The following LRRC53 variants were observed in gnomAD, a reference collection of about 807,000 sequenced individuals.
The protein encoded by LRRC53 is leucine-rich repeat-containing protein 53.
A neutral mutation model predicts 13.6 loss-of-function variants in LRRC53; 25 were observed. The ratio of observed to expected loss-of-function variants is 1.83; its 90% CI spans 1.34 to 2.56. LRRC53 has a LOEUF of 2.56. Ranked by LOEUF, LRRC53 falls within the 30% of genes most tolerant of loss-of-function variation. The probability of loss-of-function intolerance (pLI) is 0.00; values close to 1 mark genes in which losing one functional copy is unlikely to be tolerated. For missense variants in LRRC53, 527 were observed against 275.8 expected (o/e 1.91, Z -6.45); for synonymous variants, 204 against 109.8 (o/e 1.86, Z -5.37).
intron 1 of LRRC53, among the ~76,000 whole-genome samples, chr1:74,487,964 G>T (rs945787519): frequency 6.6e-6 from 1 of 152,046 alleles, no homozygotes; most frequent in Non-Finnish European, 1.5e-5. Context: ...CAGGGTCTAG[G>T]GTATAACTAA....
intron 1 of LRRC53, among the ~76,000 whole-genome samples, chr1:74,503,225 C>T (rs1347253989): frequency 6.6e-6 from 1 of 152,104 alleles, no homozygotes; most frequent in Non-Finnish European, 1.5e-5. Context: ...AGAAAAAGAC[C>T]ACTCTTTCTC....
At chr1:74,512,858 A>G (rs1355977588), upstream of LRRC53, among the ~76,000 whole-genome samples, 1 of 152,176 alleles carries the variant, frequency 6.6e-6, no homozygotes, top group Non-Finnish European at 1.5e-5. Context: ...CTCACTCTAC[A>G]AGGAAAACTT....
At chr1:74,483,483 A>G in intron 1 of LRRC53, 108 bp from the exon 2 acceptor site, 1 of 567,814 alleles carries the variant, frequency 1.8e-6, no homozygotes, top group Non-Finnish European at 3.2e-6. Flanking sequence ...CTGTTCAATG[A>G]GCATCTTGGT....
In LRRC53 at chr1:74,480,849, C is replaced by T. The variant is rs890624231; in HGVS notation, c.208G>A (p.Glu70Lys). Residue 70 changes from glutamate to lysine, a missense_variant, in exon 3 of 5, where the codon GAG becomes AAG. Glu to Lys is a moderately conservative substitution (Grantham distance 56). Coordinates refer to ENST00000294635, the MANE Select transcript of LRRC53 (RefSeq NM_001382280.1). The stretch of plus-strand genomic sequence containing the variant: ...TGCAGGGCATCTTCCTGAACATCCT[C>T]GATACCATTTCTGCTTAGGGAGAGC... ...ALLSLSRNGI[E>K]DVQEDALHGL... The T allele has an allele frequency of 2.5e-5, 18 of 717,452 alleles. No individual in the cohort carries two copies. The highest frequency in any genetic ancestry group is 2.3e-4 in the African/African-American group (13 of 57,356). 44.4% of individuals were successfully genotyped at this position (717,452 alleles called of 1,614,324 possible). A position where few individuals can be genotyped will look rare whatever the true frequency, so the allele number is the denominator to read the frequency against.
intron 1 of LRRC53, among the ~76,000 whole-genome samples, chr1:74,506,359 G>T (rs566032073): frequency 5.9e-5 from 9 of 152,110 alleles, no homozygotes; most frequent in Non-Finnish European, 8.8e-5. Context: ...AGTATAAATG[G>T]CCTGCCCAAG....
the LRRC53 span, among the ~76,000 whole-genome samples, chr1:74,518,561 G>T: frequency 1.3e-5 from 2 of 152,088 alleles, no homozygotes; most frequent in Non-Finnish European, 2.9e-5. Context: ...GATCTCAGTG[G>T]ATTCTACTAA....
chr1:74,496,528 G>A (rs1167335298), intron 1 of LRRC53, among the ~76,000 whole-genome samples: 1 of 152,074 alleles, frequency 6.6e-6, no homozygotes, highest in Non-Finnish European at 1.5e-5. Flanking sequence ...TCAATTTTTG[G>A]TCATGAAGTT....
the LRRC53 span, among the ~76,000 whole-genome samples, chr1:74,522,651 T>TGA: frequency 6.6e-6 from 1 of 151,662 alleles, no homozygotes. Flanking sequence ...TGTGTGTGTG[T>TGA]GAGAGAGAGA....
chr1:74,527,562 G>C, the LRRC53 span, among the ~76,000 whole-genome samples: 2 of 152,160 alleles, frequency 1.3e-5, no homozygotes, highest in South Asian at 2.1e-4. Context: ...TGGTGGATAG[G>C]GAGGGGAGAC....
chr1:74,504,943 G>A (rs1182423071), intron 1 of LRRC53, among the ~76,000 whole-genome samples: 1 of 152,104 alleles, frequency 6.6e-6, no homozygotes, highest in Non-Finnish European at 1.5e-5. Context: ...GCGAAGATTC[G>A]CCGGAGGCAA....
chr1:74,510,258 G>C (rs1197093124), intron 1 of LRRC53, among the ~76,000 whole-genome samples: 1 of 152,142 alleles, frequency 6.6e-6, no homozygotes, highest in African/African-American at 2.4e-5. Context: ...TGTAATCCCA[G>C]CACTTTCGGA....
rs371551681 is a variant in LRRC53 at position 74,475,894 on chromosome 1, A to C, written c.905-84T>G. The stretch of plus-strand genomic sequence containing the variant: ...TCAAATGTAAAAACCACAAATATAA[A>C]GGTTAATGGCTTGAAAGATATCAGA... On this transcript the variant is annotated intron_variant, in intron 3 of 4. Coordinates refer to ENST00000294635, the MANE Select transcript of LRRC53 (RefSeq NM_001382280.1). 85 of 519,054 alleles carry C rather than the reference A, an allele frequency of 1.6e-4. 2 individuals are homozygous for C. Among genetic ancestry groups the C allele is most frequent in the African/African-American group, 1.3e-3 (65 of 51,632 alleles). The allele number at this position is 519,054 out of a possible 1,614,324, so 32.2% of individuals were successfully genotyped here.
the LRRC53 span, among the ~76,000 whole-genome samples, chr1:74,522,271 C>T: frequency 1.3e-5 from 2 of 152,122 alleles, no homozygotes; most frequent in Non-Finnish European, 2.9e-5. Flanking sequence ...CTTGGAGCTG[C>T]TGCTTGTACT....
upstream of LRRC53, among the ~76,000 whole-genome samples, chr1:74,517,588 T>A (rs1376923407): frequency 6.6e-6 from 1 of 152,212 alleles, no homozygotes; most frequent in Non-Finnish European, 1.5e-5. Context: ...ATGTGGGGGC[T>A]GTGTGCTAAG....
the LRRC53 span, among the ~76,000 whole-genome samples, chr1:74,532,366 T>A: frequency 2.6e-5 from 4 of 152,192 alleles, no homozygotes; most frequent in Non-Finnish European, 5.9e-5. Flanking sequence ...GTGCAAATAA[T>A]CCAAAACCCT....
the LRRC53 span, among the ~76,000 whole-genome samples, chr1:74,527,873 A>C: frequency 6.6e-6 from 1 of 152,046 alleles, no homozygotes; most frequent in Non-Finnish European, 1.5e-5. Flanking sequence ...AGGTGTGGAG[A>C]ATGTCTATGT....
At chr1:74,523,191 C>A in the LRRC53 span, among the ~76,000 whole-genome samples, 585 of 152,298 alleles carry the variant, frequency 3.8e-3, 6 homozygotes, top group African/African-American at 0.013. Context: ...ACCGATACCA[C>A]ACAGTTGCTG....
At chr1:74,514,326 C>T (rs755051344), upstream of LRRC53, among the ~76,000 whole-genome samples, 9 of 152,310 alleles carry the variant, frequency 5.9e-5, no homozygotes, top group East Asian at 5.8e-4. Flanking sequence ...AAGCTGAAAG[C>T]GCTTTGTGAT....
chr1:74,528,211 G>A, the LRRC53 span, among the ~76,000 whole-genome samples: 1 of 152,202 alleles, frequency 6.6e-6, no homozygotes, highest in African/African-American at 2.4e-5. Context: ...AGTGCCTGGT[G>A]GAAGGAAGTT....
Sources: allele counts gnomAD v4.1 joint callset (sites outside exome capture counted in the v4.1 genomes callset), GRCh38; gene constraint gnomAD v4.1.1; transcripts MANE v1.5; gene names NCBI Gene and HGNC (gene_info 2026-07-23, HGNC 2026-07-21).